SLC15A1: variants seen among roughly 807,000 people sequenced by gnomAD.
SLC15A1 encodes the protein Caco-2 oligopeptide transporter.
SLC15A1 carries 83 observed loss-of-function variants against 92.9 expected under a neutral mutation model. The ratio of observed to expected loss-of-function variants is 0.89; its 90% CI spans 0.75 to 1.07. SLC15A1 has a LOEUF of 1.07. Ranked by LOEUF, SLC15A1 falls within the 50% of genes least tolerant of loss-of-function variation. The pLI is 0.00. For missense variants in SLC15A1, 857 were observed against 880.1 expected (o/e 0.97, Z 0.33); for synonymous variants, 322 against 318.2 (o/e 1.01, Z -0.13).
chr13:98,717,436 G>A (rs2088219572), intron 8 of SLC15A1, among the ~76,000 whole-genome samples: 1 of 152,162 alleles, frequency 6.6e-6, no homozygotes, highest in African/African-American at 2.4e-5. Context: ...ATCGGATTTG[G>A]CCTGTTCTCA....
chr13:98,708,909 T>C (rs922943878), intron 14 of SLC15A1, 142 bp from the exon 15 acceptor site: 3 of 521,692 alleles, frequency 5.8e-6, no homozygotes, highest in Admixed American at 3.7e-5. Flanking sequence ...ATCTTGGTCA[T>C]GGATTCATGA....
intron 1 of SLC15A1, among the ~76,000 whole-genome samples, chr13:98,744,841 G>C (rs2088480462): frequency 6.8e-6 from 1 of 148,050 alleles, no homozygotes. Context: ...CCTATCATAA[G>C]AATATCTGTA....
At position 98,736,743 on chromosome 13, in the gene SLC15A1, C is replaced by T. The variant is rs564013142; in HGVS notation, c.5-9884G>A. 1.3e-4 allele frequency among the ~76,000 whole-genome samples: 20 copies of T among 152,238 alleles called. No homozygotes were observed. The South Asian group carries it at 1.5e-3, about 11-fold the overall frequency. Reference sequence around the variant, plus strand: ...TGCAGCCAACACACACATAAAAAAACGCTCATCATCACTGGTCATCAGAGA... The same window carrying T: ...TGCAGCCAACACACACATAAAAAAATGCTCATCATCACTGGTCATCAGAGA... On this transcript the variant is annotated intron_variant, in intron 1 of 22. Coordinates refer to ENST00000376503, the MANE Select transcript of SLC15A1 (RefSeq NM_005073.4).
At chr13:98,697,738 T>G (rs1352991273) in intron 18 of SLC15A1, among the ~76,000 whole-genome samples, 3 of 151,818 alleles carry the variant, frequency 2.0e-5, no homozygotes, top group African/African-American at 7.3e-5. Context: ...AGCAACAACT[T>G]GGAATTGACC....
At chr13:98,715,257 C>G (rs1447152053) in intron 9 of SLC15A1, among the ~76,000 whole-genome samples, 1 of 152,220 alleles carries the variant, frequency 6.6e-6, no homozygotes, top group African/African-American at 2.4e-5. Flanking sequence ...TCACTGCAAC[C>G]TCTGCCTCCC....
At position 98,684,729 on chromosome 13, in the gene SLC15A1, T is replaced by A; in HGVS notation, c.2122A>T (p.Met708Leu). 1 of 1,613,922 alleles carries A rather than the reference T, an allele frequency of 6.2e-7. No homozygotes were observed. The highest frequency in any genetic ancestry group is 8.5e-7 in the Non-Finnish European group (1 of 1,179,842). Residue 708 changes from methionine (M) to leucine (L), a missense_variant, in exon 23 of 23, where the codon ATG (methionine) becomes TTG (leucine). Coordinates refer to ENST00000376503, the MANE Select transcript of SLC15A1 (RefSeq NM_005073.4). ...FMSGANSQKQ[M>L] Reference sequence around the variant, plus strand: ...CTCCACTTGCCTCCTGACCTTCACATCTGTTTCTGTGAATTGGCCCCTGAC... The same window carrying A: ...CTCCACTTGCCTCCTGACCTTCACAACTGTTTCTGTGAATTGGCCCCTGAC...
intron 1 of SLC15A1, among the ~76,000 whole-genome samples, chr13:98,728,977 T>TAAAAAAAAAAAAAAAAA (rs71218592): frequency 1.2e-3 from 16 of 13,894 alleles, no homozygotes; most frequent in South Asian, 3.7e-3. Context: ...TAAGGCTCTG[T>TAAAAAAAAAAAAAAAAA]AAAAAAAAAA....
intron 1 of SLC15A1, among the ~76,000 whole-genome samples, chr13:98,732,424 G>A (rs1274191773): frequency 6.6e-6 from 1 of 152,002 alleles, no homozygotes; most frequent in East Asian, 1.9e-4. Flanking sequence ...GATGAAATAA[G>A]TGTATATTAT....
chr13:98,702,986 A>G (rs1235949198), intron 17 of SLC15A1, among the ~76,000 whole-genome samples: 11 of 149,078 alleles, frequency 7.4e-5, no homozygotes, highest in African/African-American at 2.7e-4. Context: ...AAAAAAAAAA[A>G]AAAAAAAGAA....
intron 1 of SLC15A1, among the ~76,000 whole-genome samples, chr13:98,734,160 T>C (rs1298933513): frequency 6.6e-6 from 1 of 152,088 alleles, no homozygotes; most frequent in Non-Finnish European, 1.5e-5. Context: ...GAGACGGGGT[T>C]TCACCATGTT....
rs1050096674 is a variant in SLC15A1 at position 98,706,138 on chromosome 13, G to A, written c.1265C>T (p.Ser422Phe). 6.2e-7 allele frequency: 1 copy of A among 1,607,818 alleles called. No homozygotes were observed. Among genetic ancestry groups the A allele is most frequent in the Non-Finnish European group, 8.5e-7 (1 of 1,178,664 alleles). Residue 422 changes from serine to phenylalanine, a missense_variant, in exon 16 of 23, where the codon TCT becomes TTT. Ser to Phe is a radical substitution (Grantham distance 155). Coordinates refer to ENST00000376503, the MANE Select transcript of SLC15A1 (RefSeq NM_005073.4). ...PGEMVTLGPM[S>F]QTNAFMTFDV... ...CAGCAATTTCCTTCTACTTACTTGA[G>A]ACATTGGGCCAAGTGTCACCATCTC...
chr13:98,693,763 T>C (rs2139565327), intron 18 of SLC15A1, among the ~76,000 whole-genome samples: 2 of 152,380 alleles, frequency 1.3e-5, no homozygotes, highest in East Asian at 3.9e-4. Context: ...CTTGTGGTTT[T>C]GGTTTTCTTC....
chr13:98,692,027 C>T (rs1363989120), intron 18 of SLC15A1, among the ~76,000 whole-genome samples: 8 of 150,966 alleles, frequency 5.3e-5, no homozygotes, highest in East Asian at 1.9e-4. Flanking sequence ...GAGCCGAGAT[C>T]GCACCATTGT....
At chr13:98,740,441 C>T (rs77604615) in intron 1 of SLC15A1, among the ~76,000 whole-genome samples, 5,536 of 152,252 alleles carry the variant, frequency 0.036, 333 homozygotes, top group African/African-American at 0.13. Flanking sequence ...CAAGGCCCCC[C>T]AGGGTCTGAC....
rs4646233 is a variant in SLC15A1, at chr13:98,684,545, CAAA to C, written c.*176_*178del. The C allele has an allele frequency of 0.061, 11,593 of 190,804 alleles. 3 individuals carry two copies. The highest frequency in any genetic ancestry group is 0.099 in the East Asian group (1,327 of 13,354). The allele number at this position is 190,804 out of a possible 1,614,324, so 11.8% of individuals were successfully genotyped here. ...GGACAACAAGAGCAAAACTCTGTCTCAAAAAAAAAAAAAAAAAAAAAAAGAAAA... is the reference window on the plus strand; with the variant it reads ...GGACAACAAGAGCAAAACTCTGTCTCAAAAAAAAAAAAAAAAAAAAGAAAA... On this transcript the variant is annotated 3_prime_UTR_variant, in exon 23 of 23. Transcript: ENST00000376503.
chr13:98,725,022 C>T (rs2088287660), intron 4 of SLC15A1, among the ~76,000 whole-genome samples: 1 of 152,012 alleles, frequency 6.6e-6, no homozygotes, highest in Non-Finnish European at 1.5e-5. Context: ...TTGGTGCTGT[C>T]CTCATGGTCA....
At chr13:98,715,996 T>C (rs1294741477) in intron 8 of SLC15A1, 36 bp from the exon 9 acceptor site, 37 of 1,575,734 alleles carry the variant, frequency 2.3e-5, no homozygotes, top group Non-Finnish European at 3.1e-5. Flanking sequence ...CAGCAAAGCA[T>C]GTGACCGAGC....
At chr13:98,698,567 G>A (rs1274868384) in intron 18 of SLC15A1, among the ~76,000 whole-genome samples, 3 of 152,032 alleles carry the variant, frequency 2.0e-5, no homozygotes, top group East Asian at 1.9e-4. Flanking sequence ...TCGGCCTCCC[G>A]AGTAGCTGGG....
chr13:98,726,559 C>T (rs1479532993), intron 2 of SLC15A1, 110 bp from the exon 3 acceptor site: 91 of 957,008 alleles, frequency 9.5e-5, no homozygotes, highest in Middle Eastern at 6.2e-4. Context: ...AGTAACTTAC[C>T]GGTGACTGTC....
Sources: allele counts gnomAD v4.1 joint callset (sites outside exome capture counted in the v4.1 genomes callset), GRCh38; gene constraint gnomAD v4.1.1; transcripts MANE v1.5; gene names NCBI Gene and HGNC (gene_info 2026-07-23, HGNC 2026-07-21).